Variants in DNAH11 observed in about 807,000 individuals in gnomAD.
The protein encoded by DNAH11 is dynein axonemal heavy chain 11.
Under a neutral mutation model 526.0 loss-of-function variants are expected in DNAH11, and 442 were observed. That is an observed-to-expected ratio of 0.84 (90% confidence interval 0.78 to 0.91). DNAH11 has a LOEUF of 0.91. Ranked by LOEUF, DNAH11 falls within the 40% of genes least tolerant of loss-of-function variation. The pLI is 0.00. For missense variants in DNAH11, 6,989 were observed against 5,448.7 expected (o/e 1.28, Z -8.90); for synonymous variants, 2,461 against 1,935.9 (o/e 1.27, Z -7.12).
intron 69 of DNAH11, among the ~76,000 whole-genome samples, chr7:21,862,488 A>T (rs1342269212): frequency 6.6e-6 from 1 of 152,308 alleles, no homozygotes; most frequent in Admixed American, 6.5e-5. Context: ...TTAATAACGC[A>T]TATTTTTAAA....
rs145887306 is a variant in DNAH11 at position 21,631,377 on chromosome 7, C to T, written c.4501-4494C>T. On this transcript the variant is annotated intron_variant, in intron 25 of 81. Transcript: ENST00000409508. ...CCAATCATGCCTTCCCAACAGTCCC[C>T]GAAAGTCTTAACTCATTTCAGCATT... Among the ~76,000 whole-genome samples, 542 of 152,240 alleles carry T rather than the reference C, an allele frequency of 3.6e-3. 4 individuals carry two copies. The highest frequency in any genetic ancestry group is 0.012 in the African/African-American group (519 of 41,534).
chr7:21,586,944 C>T (rs560149481), intron 9 of DNAH11, among the ~76,000 whole-genome samples: 52 of 152,286 alleles, frequency 3.4e-4, no homozygotes, highest in Middle Eastern at 3.4e-3. Context: ...ATCCCAGCTC[C>T]GCCACTAGCT....
intron 77 of DNAH11, among the ~76,000 whole-genome samples, chr7:21,893,963 A>G (rs1346235586): frequency 6.6e-6 from 1 of 152,190 alleles, no homozygotes; most frequent in African/African-American, 2.4e-5. Flanking sequence ...ATCTTGGCTC[A>G]CTGCAACCTC....
intron 42 of DNAH11, among the ~76,000 whole-genome samples, 185 bp downstream of exon 42, chr7:21,712,045 TCC>T (rs1344837683): frequency 3.9e-5 from 6 of 152,110 alleles, no homozygotes; most frequent in Admixed American, 3.3e-4. Flanking sequence ...CATTCTCCCC[TCC>T]TCCCAGCTCT....
intron 6 of DNAH11, among the ~76,000 whole-genome samples, chr7:21,568,975 C>T (rs1276698616): frequency 2.0e-5 from 3 of 152,284 alleles, no homozygotes; most frequent in East Asian, 1.9e-4. Context: ...ATAGCACCCT[C>T]ATGTGGAGGT....
At position 21,591,034 on chromosome 7, in the gene DNAH11, T is replaced by C; in HGVS notation, c.2274+12T>C. ...ACACTATTTTAAAGGTTTGTGATTT[T>C]TGTTAAAAAAAAGATACTAGGGCCT... On this transcript the variant is annotated intron_variant, in intron 13 of 81. Coordinates refer to ENST00000409508, the MANE Select transcript of DNAH11 (RefSeq NM_001277115.2). The C allele has an allele frequency of 1.4e-6, 2 of 1,473,968 alleles. No homozygotes were observed. Among genetic ancestry groups the C allele is most frequent in the Non-Finnish European group, 1.8e-6 (2 of 1,117,684 alleles). The allele number at this position is 1,473,968 out of a possible 1,614,324, so 91.3% of individuals were successfully genotyped here.
intron 66 of DNAH11, chr7:21,851,785 T>G: frequency 2.4e-6 from 1 of 409,604 alleles, no homozygotes; most frequent in Non-Finnish European, 5.0e-6. Context: ...TCCTGTGACC[T>G]CCGTTCTCTG....
intron 63 of DNAH11, among the ~76,000 whole-genome samples, chr7:21,811,175 A>G (rs1046693004): frequency 6.6e-6 from 1 of 152,230 alleles, no homozygotes; most frequent in Non-Finnish European, 1.5e-5. Flanking sequence ...GAAATTAGCC[A>G]GTCACAGCTG....
At chr7:21,633,497 G>T (rs183649933) in intron 25 of DNAH11, among the ~76,000 whole-genome samples, 22 of 152,030 alleles carry the variant, frequency 1.4e-4, no homozygotes, top group African/African-American at 4.3e-4. Flanking sequence ...TCTGATGTTG[G>T]GTTCATATAC....
intron 44 of DNAH11, 26 bp downstream of exon 44, chr7:21,720,882 C>A: frequency 1.2e-6 from 2 of 1,603,740 alleles, no homozygotes; most frequent in East Asian, 4.5e-5. Flanking sequence ...GTTTACAGGA[C>A]CAGTTTCCAG....
chr7:21,839,938 A>G (rs1474044225), intron 65 of DNAH11, among the ~76,000 whole-genome samples: 1 of 152,254 alleles, frequency 6.6e-6, no homozygotes, highest in Non-Finnish European at 1.5e-5. Flanking sequence ...TTCAGGCAAC[A>G]AAAGCTTTAG....
At chr7:21,544,041 C>T (rs1460563378) in intron 1 of DNAH11, among the ~76,000 whole-genome samples, 4 of 152,106 alleles carry the variant, frequency 2.6e-5, no homozygotes, top group Non-Finnish European at 5.9e-5. Flanking sequence ...CAACACTTCA[C>T]CCCAGGCAAA....
chr7:21,796,163 A>G (rs1246484561), intron 61 of DNAH11, among the ~76,000 whole-genome samples: 1 of 152,236 alleles, frequency 6.6e-6, no homozygotes, highest in African/African-American at 2.4e-5. Flanking sequence ...CTTAATGCCA[A>G]AAAGAGTCCC....
chr7:21,850,084 C>T (rs150005137), intron 66 of DNAH11, among the ~76,000 whole-genome samples: 45 of 151,628 alleles, frequency 3.0e-4, no homozygotes, highest in African/African-American at 9.4e-4. Flanking sequence ...CAGCCGGGCA[C>T]GGTGGCTCAC....
chr7:21,658,149 C>T (rs1249521655), intron 29 of DNAH11, among the ~76,000 whole-genome samples: 1 of 151,760 alleles, frequency 6.6e-6, no homozygotes, highest in African/African-American at 2.4e-5. Context: ...GCAAACTAAG[C>T]TTCAATTTTT....
intron 27 of DNAH11, among the ~76,000 whole-genome samples, 169 bp downstream of exon 27, chr7:21,637,871 T>C (rs1041033198): frequency 4.6e-5 from 7 of 152,172 alleles, no homozygotes; most frequent in African/African-American, 1.4e-4. Context: ...ATGGAACATA[T>C]ATATAGTAAG....
intron 70 of DNAH11, 120 bp downstream of exon 70, chr7:21,864,777 G>C: frequency 1.1e-6 from 1 of 951,702 alleles, no homozygotes; most frequent in South Asian, 2.7e-5. Flanking sequence ...TTCAGTTGTA[G>C]AAATGCACTG....
chr7:21,741,119 C>G (rs1404131549), intron 48 of DNAH11, among the ~76,000 whole-genome samples: 1 of 152,146 alleles, frequency 6.6e-6, no homozygotes, highest in Non-Finnish European at 1.5e-5. Context: ...GGATATTAAT[C>G]CCTTAGGCAC....
At chr7:21,794,533 T>C (rs1788621655) in intron 61 of DNAH11, among the ~76,000 whole-genome samples, 1 of 152,140 alleles carries the variant, frequency 6.6e-6, no homozygotes, top group African/African-American at 2.4e-5. Context: ...CCATCCTGAA[T>C]TGAGGGTAAG....
Sources: allele counts gnomAD v4.1 joint callset (sites outside exome capture counted in the v4.1 genomes callset), GRCh38; gene constraint gnomAD v4.1.1; transcripts MANE v1.5; gene names NCBI Gene and HGNC (gene_info 2026-07-23, HGNC 2026-07-21).